ATP13A4: variants seen among roughly 807,000 people sequenced by gnomAD.
ATP13A4 encodes the protein probable cation-transporting ATPase 13A4.
In ATP13A4, 114 loss-of-function variants were observed where a neutral mutation model predicts 142.5. The observed-to-expected ratio is 0.80, with a 90% CI of 0.69 to 0.93. The LOEUF (loss-of-function observed/expected upper bound fraction) is 0.93, where lower values mean the gene tolerates loss of function less well. ATP13A4 is among the 40% of genes least tolerant of loss of function. The pLI, the probability that ATP13A4 is intolerant of heterozygous loss-of-function variation, is 0.00. For missense variants in ATP13A4, 1,392 were observed against 1,454.0 expected, an observed-to-expected ratio of 0.96 and a Z score of 0.69; for synonymous variants, 488 against 514.8, an observed-to-expected ratio of 0.95 and a Z score of 0.70.
intron 23 of ATP13A4, among the ~76,000 whole-genome samples, chr3:193,436,236 T>C (rs1190915245): frequency 6.6e-6 from 1 of 152,196 alleles, no homozygotes; most frequent in African/African-American, 2.4e-5. Flanking sequence ...CCCAACTTTT[T>C]CTAAAACTGG....
At chr3:193,405,138 T>C (rs1714431128) in intron 29 of ATP13A4, among the ~76,000 whole-genome samples, 1 of 152,162 alleles carries the variant, frequency 6.6e-6, no homozygotes, top group Non-Finnish European at 1.5e-5. Flanking sequence ...GGAGCCAGGA[T>C]TCGAACCCAC....
At chr3:193,462,492 TA>T (rs1404205755) in intron 13 of ATP13A4, among the ~76,000 whole-genome samples, 2 of 152,124 alleles carry the variant, frequency 1.3e-5, no homozygotes, top group Non-Finnish European at 2.9e-5. Context: ...GGAAGCAAAT[TA>T]TATTTTAGCA....
rs1292266169 is a variant in ATP13A4 at position 193,514,788 on chromosome 3, C to T, written c.144G>A (p.Leu48=). ...GCCATGCTGGTCTCCAGTAAAACAC[C>T]AAGGGGAGGATTCCAAATGAGAAGA... The part of the protein sequence containing the change: ...GSIFSFGILP[L]VFYWRPAWHV... The change falls in exon 2 of 30, where the codon TTG becomes TTA. Residue 48 remains leucine, a synonymous_variant. Coordinates refer to ENST00000342695, the MANE Select transcript of ATP13A4 (RefSeq NM_032279.4). 21 of 1,614,156 alleles carry T rather than the reference C, an allele frequency of 1.3e-5. No homozygotes were observed. The highest frequency in any genetic ancestry group is 2.7e-5 in the African/African-American group (2 of 75,024).
In ATP13A4 at chr3:193,525,840, T is replaced by C. The variant is rs766708903; in HGVS notation, c.61-10969A>G. ...AGGGCCTGTGTAGATGAAATCATTT[T>C]GGAAATCACCATATAACCAAATCCC... On this transcript the variant is annotated intron_variant, in intron 1 of 29. Coordinates refer to ENST00000342695, the MANE Select transcript of ATP13A4 (RefSeq NM_032279.4). Among the ~76,000 whole-genome samples, 4 of 152,146 alleles carry C rather than the reference T, an allele frequency of 2.6e-5. 1 individual carries two copies. The highest frequency in any genetic ancestry group is 5.9e-5 in the Non-Finnish European group (4 of 68,014).
chr3:193,435,718 G>A lies in ATP13A4; in HGVS notation c.2699C>T (p.Ser900Phe). 1 of 1,613,938 alleles carries A rather than the reference G, an allele frequency of 6.2e-7. No homozygotes were observed. The highest frequency in any genetic ancestry group is 1.6e-4 in the Middle Eastern group (1 of 6,062). The change falls in exon 24 of 30, where the codon TCC (serine) becomes TTC (phenylalanine). Residue 900 changes from serine (S) to phenylalanine (F), a missense_variant. Physicochemically the swap from Ser to Phe is radical, Grantham distance 155. Transcript: ENST00000342695. The stretch of plus-strand genomic sequence containing the variant: ...AGCCATGTACTTAAACATGCAAAAG[G>A]AGGTAACGAGAGCTGCACGTCCTTC... Reference protein sequence around the residue: ...IKEGRAALVTSFCMFKYMALY... With the variant: ...IKEGRAALVTFFCMFKYMALY...
At chr3:193,571,524 T>G (rs1197373161) in intron 2 of ATP13A4, among the ~76,000 whole-genome samples, 4 of 152,092 alleles carry the variant, frequency 2.6e-5, no homozygotes, top group Admixed American at 2.6e-4. Context: ...ACCTACCAAA[T>G]ATTGCTCAGT....
chr3:193,568,828 C>G (rs75469996), intron 2 of ATP13A4, among the ~76,000 whole-genome samples: 1 of 152,194 alleles, frequency 6.6e-6, no homozygotes, highest in East Asian at 1.9e-4. Context: ...AAGTTGGAAC[C>G]ATTTGAGCAA....
At chr3:193,417,365 CT>C (rs1454461361) in intron 25 of ATP13A4, among the ~76,000 whole-genome samples, 2 of 152,130 alleles carry the variant, frequency 1.3e-5, no homozygotes, top group Non-Finnish European at 1.5e-5. Context: ...TGCAATTTCA[CT>C]TTATATATCC....
chr3:193,473,367 G>C (rs944771041), intron 8 of ATP13A4, among the ~76,000 whole-genome samples: 2 of 152,144 alleles, frequency 1.3e-5, no homozygotes, highest in Non-Finnish European at 2.9e-5. Flanking sequence ...AGAAGAGACA[G>C]GTTTTCCTTG....
intron 8 of ATP13A4, among the ~76,000 whole-genome samples, chr3:193,477,887 C>G (rs1363220247): frequency 1.3e-5 from 2 of 151,974 alleles, no homozygotes; most frequent in African/African-American, 4.8e-5. Context: ...GATGGAACTA[C>G]TAGCAAATGA....
intron 9 of ATP13A4, among the ~76,000 whole-genome samples, chr3:193,469,870 A>G (rs769441854): frequency 2.6e-4 from 40 of 152,218 alleles, no homozygotes; most frequent in Admixed American, 9.2e-4. Context: ...GGCTACTTTC[A>G]TTAGGAAAAT....
intron 3 of ATP13A4, 75 bp from the exon 4 acceptor site, chr3:193,493,235 G>A (rs1388973838): frequency 8.1e-7 from 1 of 1,239,010 alleles, no homozygotes; most frequent in African/African-American, 1.5e-5. Context: ...GGCTAAAGAA[G>A]CATTTGTTTG....
chr3:193,493,698 G>A (rs778346032), intron 3 of ATP13A4, among the ~76,000 whole-genome samples: 9 of 152,086 alleles, frequency 5.9e-5, no homozygotes, highest in South Asian at 2.1e-4. Context: ...AAGTGAGCAC[G>A]CCTGTTTGTA....
intron 25 of ATP13A4, among the ~76,000 whole-genome samples, chr3:193,415,193 T>A (rs867166583): frequency 6.6e-6 from 1 of 152,232 alleles, no homozygotes. Context: ...ATATTCATTA[T>A]GGCATCATTT....
chr3:193,432,641 GA>G (rs1560182510), intron 25 of ATP13A4, among the ~76,000 whole-genome samples: 5 of 151,982 alleles, frequency 3.3e-5, no homozygotes, highest in Non-Finnish European at 7.4e-5. Flanking sequence ...AAGCCCATCT[GA>G]AAAGCCTATA....
At chr3:193,557,763 C>A (rs150090636), upstream of ATP13A4, among the ~76,000 whole-genome samples, 376 of 152,288 alleles carry the variant, frequency 2.5e-3, 1 homozygote, top group Non-Finnish European at 3.9e-3. Context: ...TTTATATGAC[C>A]AGAAAAGCCT....
chr3:193,575,374 G>C (rs2108743449), intron 2 of ATP13A4, among the ~76,000 whole-genome samples: 1 of 152,310 alleles, frequency 6.6e-6, no homozygotes, highest in South Asian at 2.1e-4. Flanking sequence ...CCCATTAGGA[G>C]TAGAAGGTGA....
At chr3:193,572,340 T>C (rs1050471554) in intron 2 of ATP13A4, among the ~76,000 whole-genome samples, 1 of 152,212 alleles carries the variant, frequency 6.6e-6, no homozygotes, top group African/African-American at 2.4e-5. Context: ...TATTGTAATA[T>C]AAAAAGTTCA....
chr3:193,419,961 A>C (rs1191146305), intron 25 of ATP13A4, among the ~76,000 whole-genome samples: 1 of 149,940 alleles, frequency 6.7e-6, no homozygotes, highest in Non-Finnish European at 1.5e-5. Context: ...CTCAGGGTCC[A>C]AGGTCACCAC....
Sources: gnomAD v4.1 joint callset for allele counts (sites outside exome capture counted in the v4.1 genomes callset) on GRCh38, gnomAD v4.1.1 for gene constraint, MANE v1.5 for transcripts, NCBI Gene and HGNC (gene_info 2026-07-23, HGNC 2026-07-21) for gene names.